Variants in PTPRJ observed in about 807,000 individuals in gnomAD.
PTPRJ encodes the protein protein tyrosine phosphatase receptor type J.
Under a neutral mutation model 141.3 loss-of-function variants are expected in PTPRJ, and 129 were observed. That is an observed-to-expected ratio of 0.91 (90% CI 0.79 to 1.06). The LOEUF (loss-of-function observed/expected upper bound fraction) is 1.06. Among genes scored for constraint, PTPRJ ranks in the 50% least tolerant of loss-of-function variants. The pLI, the probability that PTPRJ is intolerant of heterozygous loss-of-function variation, is 0.00. For synonymous variants in PTPRJ, 610 were observed against 640.5 expected, an observed-to-expected ratio of 0.95 and a Z score of 0.72; for missense variants, 1,601 against 1,679.7, an observed-to-expected ratio of 0.95 and a Z score of 0.82.
rs1856397865 is a variant in PTPRJ at position 48,110,005 on chromosome 11, A to AT, written c.97-49dup. On this transcript the variant is annotated intron_variant, in intron 1 of 24. Transcript: ENST00000418331. Reference sequence around the variant, plus strand: ...CTCAACTGCTTTATTTCTGATTTGCATTTTCCATGGCTGAATGAATCTGCT... The same window carrying AT: ...CTCAACTGCTTTATTTCTGATTTGCATTTTTCCATGGCTGAATGAATCTGCT... 10 of 1,605,322 alleles carry AT rather than the reference A, an allele frequency of 6.2e-6. No individual in the cohort carries two copies. In the East Asian group the frequency reaches 2.2e-4, roughly 36 times the overall value.
At chr11:48,068,402 G>A (rs772322832) in intron 1 of PTPRJ, among the ~76,000 whole-genome samples, 1 of 152,176 alleles carries the variant, frequency 6.6e-6, no homozygotes, top group Non-Finnish European at 1.5e-5. Context: ...TGGTGGTAGT[G>A]AATAAGTCTC....
chr11:48,128,790 G>A (rs1354820900), intron 7 of PTPRJ, among the ~76,000 whole-genome samples: 1 of 152,140 alleles, frequency 6.6e-6, no homozygotes, highest in Non-Finnish European at 1.5e-5. Context: ...AGCAGAGCAG[G>A]ACTTGAACTC....
chr11:48,003,347 T>A (rs1429257851), intron 1 of PTPRJ, among the ~76,000 whole-genome samples: 1 of 152,206 alleles, frequency 6.6e-6, no homozygotes, highest in Non-Finnish European at 1.5e-5. Context: ...CCAGATATCT[T>A]TCTGGTATTA....
At chr11:48,012,731 A>T (rs1190906728) in intron 1 of PTPRJ, among the ~76,000 whole-genome samples, 1 of 152,108 alleles carries the variant, frequency 6.6e-6, no homozygotes, top group Non-Finnish European at 1.5e-5. Context: ...TAAAATTTGC[A>T]TATTTTTGAT....
At chr11:48,018,225 A>G (rs1322971844) in intron 1 of PTPRJ, among the ~76,000 whole-genome samples, 1 of 144,480 alleles carries the variant, frequency 6.9e-6, no homozygotes, top group Non-Finnish European at 1.5e-5. Flanking sequence ...GTAACCCTTT[A>G]CATTCTGGAA....
intron 14 of PTPRJ, among the ~76,000 whole-genome samples, chr11:48,145,522 TTAATTA>T (rs1348653760): frequency 1.3e-5 from 2 of 151,996 alleles, no homozygotes. Context: ...CTTCATAATT[TTAATTA>T]TGTTTATTGA....
At chr11:48,101,692 C>T (rs1856153372) in intron 1 of PTPRJ, among the ~76,000 whole-genome samples, 7 of 152,164 alleles carry the variant, frequency 4.6e-5, no homozygotes, top group Admixed American at 4.6e-4. Flanking sequence ...GGGAGCTAGC[C>T]CTGAACACAG....
chr11:48,136,896 A>G, intron 9 of PTPRJ, 107 bp from the exon 10 acceptor site: 1 of 1,151,496 alleles, frequency 8.7e-7, no homozygotes, highest in Non-Finnish European at 1.2e-6. Flanking sequence ...TACTAGTTTT[A>G]TTCATTCTTT....
intron 1 of PTPRJ, among the ~76,000 whole-genome samples, chr11:48,085,136 C>T (rs1855664730): frequency 6.6e-6 from 1 of 152,094 alleles, no homozygotes; most frequent in Admixed American, 6.5e-5. Flanking sequence ...TTGTGTGAGT[C>T]CAGAATTTCT....
intron 1 of PTPRJ, among the ~76,000 whole-genome samples, chr11:48,084,546 C>CA (rs1855646125): frequency 6.6e-6 from 1 of 152,156 alleles, no homozygotes; most frequent in Admixed American, 6.5e-5. Context: ...GGGGGCGGGT[C>CA]AAACTTGCTT....
intron 1 of PTPRJ, among the ~76,000 whole-genome samples, chr11:48,071,756 A>G (rs1855262472): frequency 1.4e-5 from 2 of 144,796 alleles, no homozygotes; most frequent in Non-Finnish European, 3.0e-5. Flanking sequence ...CTACAGATGC[A>G]TCACGCCCAG....
At chr11:48,131,049 C>CAT in intron 8 of PTPRJ, among the ~76,000 whole-genome samples, 1 of 91,078 alleles carries the variant, frequency 1.1e-5, no homozygotes, top group African/African-American at 4.6e-5. Context: ...CACACACACA[C>CAT]ACATATATAT....
chr11:48,153,561 T>C (rs1857534328), intron 18 of PTPRJ, among the ~76,000 whole-genome samples: 1 of 150,060 alleles, frequency 6.7e-6, no homozygotes, highest in Non-Finnish European at 1.5e-5. Flanking sequence ...TCTGGTGCAG[T>C]GATCTGACTA....
At chr11:48,166,542 A>G (rs1406067692) in intron 24 of PTPRJ, among the ~76,000 whole-genome samples, 1 of 151,506 alleles carries the variant, frequency 6.6e-6, no homozygotes, top group African/African-American at 2.4e-5. Context: ...TCGCACTCCT[A>G]ACCTGAGCCG....
intron 1 of PTPRJ, among the ~76,000 whole-genome samples, chr11:47,982,669 CA>C (rs1196873318): frequency 5.3e-5 from 8 of 150,402 alleles, no homozygotes; most frequent in Non-Finnish European, 1.2e-4. Context: ...TTTGCTTCAG[CA>C]AAAAAATTTT....
chr11:48,139,039 A>G (rs551366817), intron 10 of PTPRJ, among the ~76,000 whole-genome samples: 1 of 152,300 alleles, frequency 6.6e-6, no homozygotes, highest in East Asian at 1.9e-4. Flanking sequence ...AGGCTGACAC[A>G]GGAGAATTGT....
intron 1 of PTPRJ, among the ~76,000 whole-genome samples, chr11:48,042,095 C>T (rs985814248): frequency 1.1e-4 from 17 of 152,160 alleles, no homozygotes; most frequent in African/African-American, 3.6e-4. Context: ...AATAAAGATA[C>T]AATCTCTTTG....
intron 1 of PTPRJ, among the ~76,000 whole-genome samples, chr11:48,037,639 T>A (rs534704711): frequency 6.6e-6 from 1 of 152,098 alleles, no homozygotes; most frequent in East Asian, 1.9e-4. Flanking sequence ...TGGTGAAACC[T>A]CATCTCTAAT....
At chr11:48,021,726 C>G (rs1018260657) in intron 1 of PTPRJ, among the ~76,000 whole-genome samples, 1 of 152,176 alleles carries the variant, frequency 6.6e-6, no homozygotes, top group Admixed American at 6.5e-5. Context: ...ATGAGTCTAG[C>G]GCTTTGAGCC....
Sources: allele counts gnomAD v4.1 joint callset (sites outside exome capture counted in the v4.1 genomes callset), GRCh38; gene constraint gnomAD v4.1.1; transcripts MANE v1.5; gene names NCBI Gene and HGNC (gene_info 2026-07-23, HGNC 2026-07-21).